PARVB: variants seen among roughly 807,000 people sequenced by gnomAD.
PARVB encodes parvin beta.
PARVB carries 46 observed loss-of-function variants against 47.0 expected under a neutral mutation model. The ratio of observed to expected loss-of-function variants is 0.98; its 90% confidence interval spans 0.77 to 1.25. The LOEUF is 1.25. Ranked by LOEUF, PARVB falls within the 50% of genes most tolerant of loss-of-function variation. PARVB has a pLI of 0.00. For missense variants in PARVB, 473 were observed against 471.6 expected (o/e 1.00, Z -0.03); for synonymous variants, 196 against 196.3 (o/e 1.00, Z 0.01).
At chr22:44,086,555 G>C (rs1418974730) in intron 1 of PARVB, 1 of 158,396 alleles carries the variant, frequency 6.3e-6, no homozygotes, top group African/African-American at 2.4e-5. Flanking sequence ...ATTATGATCC[G>C]CGACTCCCTC....
At chr22:44,058,319 C>T (rs1475752937) in intron 1 of PARVB, among the ~76,000 whole-genome samples, 1 of 152,036 alleles carries the variant, frequency 6.6e-6, no homozygotes, top group African/African-American at 2.4e-5. Flanking sequence ...GATTTGTGGC[C>T]ATGTCACTCC....
chr22:44,051,605 C>T (rs770480850), intron 1 of PARVB, among the ~76,000 whole-genome samples: 3 of 152,002 alleles, frequency 2.0e-5, no homozygotes, highest in Non-Finnish European at 4.4e-5. Context: ...ACCAATGAGG[C>T]GAATGCCGGG....
intron 2 of PARVB, among the ~76,000 whole-genome samples, chr22:44,000,125 AAGG>A (rs1286316634): frequency 1.3e-5 from 2 of 152,158 alleles, no homozygotes; most frequent in African/African-American, 4.8e-5. Flanking sequence ...TCTTCTACCA[AAGG>A]AGAAGATCTT....
intron 1 of PARVB, among the ~76,000 whole-genome samples, chr22:44,053,740 G>A (rs1032297422): frequency 6.6e-6 from 1 of 152,154 alleles, no homozygotes; most frequent in Non-Finnish European, 1.5e-5. Flanking sequence ...CCCATCTTTG[G>A]GTTCAATTAA....
At chr22:44,065,638 C>G (rs1486950459) in intron 1 of PARVB, among the ~76,000 whole-genome samples, 4 of 152,178 alleles carry the variant, frequency 2.6e-5, no homozygotes, top group Non-Finnish European at 4.4e-5. Context: ...CCCACCCTTT[C>G]CCCAAGTCCC....
chr22:44,157,496 G>C (rs1028775611), intron 10 of PARVB, among the ~76,000 whole-genome samples: 4 of 152,182 alleles, frequency 2.6e-5, no homozygotes, highest in African/African-American at 9.7e-5. Flanking sequence ...TAGGTTAGGA[G>C]CCAGGTCTCA....
chr22:44,140,862 C>G (rs564218974), intron 8 of PARVB: 2 of 233,468 alleles, frequency 8.6e-6, no homozygotes, highest in South Asian at 1.2e-4. Context: ...AGCCTGAGAC[C>G]TCATCTTCAT....
Position 44,136,402 on chromosome 22 carries a change from T to A in PARVB, c.634-58T>A, listed in dbSNP as rs2053441396. 4 of 1,475,580 alleles carry A rather than the reference T, an allele frequency of 2.7e-6. No individual in the cohort carries two copies. In the African/African-American group the frequency reaches 4.1e-5, roughly 15 times the overall value. The allele number at this position is 1,475,580 out of a possible 1,614,324, so 91.4% of individuals were successfully genotyped here. A position where few individuals can be genotyped will look rare whatever the true frequency, so the allele number is the denominator to read the frequency against. On this transcript the variant is annotated intron_variant, in intron 6 of 12. Transcript: ENST00000338758. ...CCCGCAGCTTCGTCTGCCCTGTCAG[T>A]GCATCTTTCCTCAACTCTCCACTGC... is the stretch of plus-strand genomic sequence containing the variant.
chr22:44,162,694 T>G (rs2054078721), intron 11 of PARVB: 1 of 152,328 alleles, frequency 6.6e-6, no homozygotes, highest in Admixed American at 6.5e-5. Context: ...TTTGTTTGTT[T>G]GATGTCCCCT....
At chr22:44,073,284 G>T (rs13058302) in intron 1 of PARVB, among the ~76,000 whole-genome samples, 4,133 of 152,230 alleles carry the variant, frequency 0.027, 67 homozygotes, top group African/African-American at 0.036. Flanking sequence ...GAGGTCAGGG[G>T]TTCGAGACCA....
At chr22:44,050,276 T>G (rs1038447910) in intron 1 of PARVB, among the ~76,000 whole-genome samples, 2 of 152,026 alleles carry the variant, frequency 1.3e-5, no homozygotes, top group African/African-American at 4.8e-5. Flanking sequence ...AGATTTGAGG[T>G]ATGTTTGTTG....
intron 1 of PARVB, among the ~76,000 whole-genome samples, chr22:44,030,653 G>A (rs557598836): frequency 6.6e-6 from 1 of 152,260 alleles, no homozygotes; most frequent in East Asian, 1.9e-4. Flanking sequence ...GAGGTGGCGT[G>A]GGTGGGCGCA....
intron 1 of PARVB, among the ~76,000 whole-genome samples, chr22:44,039,614 C>T (rs978755689): frequency 2.0e-5 from 3 of 151,508 alleles, no homozygotes; most frequent in African/African-American, 7.3e-5. Flanking sequence ...CAGCTTCATT[C>T]ATAAGAGCTG....
At chr22:44,086,635 G>A (rs1024620718) in intron 1 of PARVB, 1 of 472,126 alleles carries the variant, frequency 2.1e-6, no homozygotes, top group Non-Finnish European at 2.8e-6. Context: ...CGAGGCTGAT[G>A]ATGTTTTTAT....
intron 1 of PARVB, among the ~76,000 whole-genome samples, chr22:44,088,708 G>T (rs2147029127): frequency 6.6e-6 from 1 of 152,264 alleles, no homozygotes; most frequent in South Asian, 2.1e-4. Context: ...CTGACCTCAG[G>T]TGATTTGCCC....
Position 44,049,847 on chromosome 22 carries a change from C to T in PARVB, c.112+25396C>T, listed in dbSNP as rs62226389. On this transcript the variant is annotated intron_variant, in intron 1 of 12. Transcript: ENST00000338758. The surrounding 1 kb of genome is among the most constrained non-coding windows in gnomAD (Gnocchi z 4.0). ...AGTGAGTAGGTTTTATTGCCAAAGC[C>T]GTCCCGGCCTTGGCCTCAGCCTCTG... Among the ~76,000 whole-genome samples, 2 of 152,334 alleles carry T rather than the reference C, an allele frequency of 1.3e-5. No homozygotes were observed. The highest frequency in any genetic ancestry group is 6.5e-5 in the Admixed American group (1 of 15,298).
rs2146951738 is a variant in PARVB at position 44,057,506 on chromosome 22, G to A, written c.112+33055G>A. On this transcript the variant is annotated intron_variant, in intron 1 of 12. Transcript: ENST00000338758. ...GTGTCCTGAGAGCTGTCCAAGGGGG[G>A]CCCTTGTGACTTGGCAGGGGTGGTT... Among the ~76,000 whole-genome samples, 3 of 152,224 alleles carry A rather than the reference G, an allele frequency of 2.0e-5. 1 individual carries two copies. Among genetic ancestry groups the A allele is most frequent in the Middle Eastern group, 3.4e-3 (1 of 294 alleles).
chr22:44,033,242 A>C (rs1354656222), intron 1 of PARVB, among the ~76,000 whole-genome samples: 1 of 152,112 alleles, frequency 6.6e-6, no homozygotes, highest in Admixed American at 6.6e-5. Context: ...GGATTTCATC[A>C]TGTTGGCCAG....
intron 1 of PARVB, among the ~76,000 whole-genome samples, chr22:44,063,511 G>A (rs575495336): frequency 1.3e-4 from 20 of 152,294 alleles, no homozygotes; most frequent in Non-Finnish European, 2.6e-4. Context: ...ACAGGCGTGA[G>A]CCACCGCGCC....
Sources: allele counts gnomAD v4.1 joint callset (sites outside exome capture counted in the v4.1 genomes callset), GRCh38; gene constraint gnomAD v4.1.1; non-coding constraint Gnocchi (gnomAD v3.1); transcripts MANE v1.5; gene names NCBI Gene and HGNC (gene_info 2026-07-23, HGNC 2026-07-21).